The following ARNT variants were observed in gnomAD, a reference collection of about 807,000 sequenced individuals.
ARNT encodes the protein aryl hydrocarbon receptor nuclear translocator.
In ARNT, 30 loss-of-function variants were observed where a neutral mutation model predicts 105.0. The observed-to-expected ratio is 0.29, with a 90% CI of 0.21 to 0.39. The LOEUF (loss-of-function observed/expected upper bound fraction) is 0.39. Among genes scored for constraint, ARNT ranks in the 10% least tolerant of loss-of-function variants. The pLI is 1.00. For missense variants in ARNT, 748 were observed against 978.7 expected (o/e 0.76, Z 3.15); for synonymous variants, 304 against 344.0 (o/e 0.88, Z 1.29).
rs1244803896 is a variant in ARNT at position 150,809,888 on chromosome 1, GTCAGGA to G, written c.*2127_*2132del. On this transcript the variant is annotated 3_prime_UTR_variant, in exon 22 of 22. Transcript: ENST00000358595. ...TTCCTGCTGATGTTACTCAGAATGT[GTCAGGA>G]TCAGGAGGACAAGTGAGGGGGGAGG... 8.9e-6 allele frequency: 2 copies of G among 223,938 alleles called. No individual in the cohort carries two copies. Among genetic ancestry groups the G allele is most frequent in the African/African-American group, 2.2e-5 (1 of 44,758 alleles). 13.9% of individuals were successfully genotyped at this position (223,938 alleles called of 1,614,324 possible). A position where few individuals can be genotyped will look rare whatever the true frequency, so the allele number is the denominator to read the frequency against.
At position 150,852,949 on chromosome 1, in the gene ARNT, C is replaced by T. The variant is rs914918544; in HGVS notation, c.138-143G>A. On this transcript the variant is annotated intron_variant, in intron 2 of 21. Coordinates refer to ENST00000358595, the MANE Select transcript of ARNT (RefSeq NM_001668.4). ...AAGTGGCAGAAGTCAAACAAAGCTA[C>T]ATTTCCTCTTGTTCATAGTCCCAAA... 9 of 1,043,556 alleles carry T rather than the reference C, an allele frequency of 8.6e-6. No homozygotes were observed. The Admixed American group carries it at 1.4e-4, about 16-fold the overall frequency. 64.6% of individuals were successfully genotyped at this position (1,043,556 alleles called of 1,614,324 possible). A position where few individuals can be genotyped will look rare whatever the true frequency, so the allele number is the denominator to read the frequency against.
intron 1 of ARNT, among the ~76,000 whole-genome samples, chr1:150,873,850 T>A (rs1667840608): frequency 1.3e-5 from 2 of 151,298 alleles, no homozygotes; most frequent in African/African-American, 4.9e-5. Flanking sequence ...AGCTCAGGAG[T>A]TCAAGGCTAC....
At chr1:150,851,099 G>A (rs587628638) in intron 3 of ARNT, among the ~76,000 whole-genome samples, 7 of 149,696 alleles carry the variant, frequency 4.7e-5, no homozygotes, top group African/African-American at 9.9e-5. Context: ...CAGCCGCCCC[G>A]TCCGGGAAGT....
Position 150,858,399 on chromosome 1 carries a change from T to C in ARNT, c.87A>G (p.Gly29=), listed in dbSNP as rs587753990. 210 of 1,610,228 alleles carry C rather than the reference T, an allele frequency of 1.3e-4. 3 individuals carry two copies. In the South Asian group the frequency reaches 2.0e-3, roughly 16 times the overall value. ...PAIASGNSGP[G]IQGGGAIVQR... ...GGACAATGGCTCCTCCACCTTGAAT[T>C]CCAGGTCCAGAGTTTCCAGAGGCAA... is the stretch of plus-strand genomic sequence containing the variant. The change falls in exon 2 of 22, where the codon GGA becomes GGG. Residue 29 remains glycine, a synonymous_variant. Transcript: ENST00000358595.
intron 3 of ARNT, among the ~76,000 whole-genome samples, chr1:150,852,120 G>A (rs886688894): frequency 2.6e-5 from 4 of 151,982 alleles, no homozygotes; most frequent in Non-Finnish European, 4.4e-5. Context: ...GGTGTCAGAG[G>A]GTATGACAGA....
intron 10 of ARNT, 146 bp downstream of exon 10, chr1:150,831,672 G>A: frequency 3.4e-6 from 2 of 593,852 alleles, no homozygotes; most frequent in Non-Finnish European, 5.9e-6. Flanking sequence ...TGGAAGGGAA[G>A]GATTGTACAT....
intron 4 of ARNT, 88 bp downstream of exon 4, chr1:150,846,174 GA>G: frequency 1.8e-6 from 2 of 1,141,880 alleles, no homozygotes; most frequent in Admixed American, 4.4e-5. Context: ...GTCTCATCCA[GA>G]AAAAATTAAG....
chr1:150,869,206 G>A (rs1053223578), intron 1 of ARNT, among the ~76,000 whole-genome samples: 3 of 152,044 alleles, frequency 2.0e-5, no homozygotes, highest in East Asian at 1.9e-4. Flanking sequence ...GGCTGGGCGC[G>A]CTAGCTCAAG....
intron 12 of ARNT, among the ~76,000 whole-genome samples, chr1:150,828,483 A>G (rs1237330934): frequency 1.3e-5 from 2 of 151,990 alleles, no homozygotes; most frequent in East Asian, 3.9e-4. Flanking sequence ...ATTCTGGTCT[A>G]TTGATCTATA....
intron 4 of ARNT, among the ~76,000 whole-genome samples, chr1:150,844,261 C>T (rs183386125): frequency 6.6e-6 from 1 of 152,272 alleles, no homozygotes; most frequent in Admixed American, 6.5e-5. Context: ...TTTCCTGTTA[C>T]CACTGCCACT....
intron 1 of ARNT, among the ~76,000 whole-genome samples, chr1:150,861,749 G>A (rs1037515794): frequency 6.6e-6 from 1 of 152,170 alleles, no homozygotes; most frequent in Non-Finnish European, 1.5e-5. Context: ...AAAAAAAAGG[G>A]TCATACTATA....
At chr1:150,836,617 C>G in intron 6 of ARNT, 124 bp from the exon 7 acceptor site, 1 of 952,850 alleles carries the variant, frequency 1.0e-6, no homozygotes, top group East Asian at 2.6e-5. Context: ...CTGGTTCACA[C>G]CTGATCCACA....
chr1:150,839,152 T>C (rs1239011788), intron 6 of ARNT, among the ~76,000 whole-genome samples: 2 of 152,208 alleles, frequency 1.3e-5, no homozygotes, highest in Non-Finnish European at 2.9e-5. Context: ...ATTGGTTCCA[T>C]GGACATAGTC....
intron 1 of ARNT, among the ~76,000 whole-genome samples, chr1:150,865,859 T>A (rs1666484684): frequency 6.6e-6 from 1 of 152,194 alleles, no homozygotes; most frequent in Admixed American, 6.5e-5. Context: ...CCTGAAAGGG[T>A]GTAAGAAATG....
intron 4 of ARNT, among the ~76,000 whole-genome samples, chr1:150,844,526 G>A (rs996409900): frequency 6.6e-6 from 1 of 152,018 alleles, no homozygotes; most frequent in African/African-American, 2.4e-5. Context: ...GTATGTTCCC[G>A]AGACCAGGAG....
intron 1 of ARNT, among the ~76,000 whole-genome samples, chr1:150,871,722 C>T (rs587653280): frequency 4.0e-5 from 6 of 148,416 alleles, no homozygotes; most frequent in African/African-American, 1.5e-4. Context: ...CCAGCCTGGC[C>T]AACATGGAGA....
At chr1:150,814,767 C>T (rs1003751545) in intron 19 of ARNT, among the ~76,000 whole-genome samples, 1 of 152,038 alleles carries the variant, frequency 6.6e-6, no homozygotes, top group Non-Finnish European at 1.5e-5. Flanking sequence ...CACTTGAACC[C>T]GGGAGACAGA....
intron 9 of ARNT, among the ~76,000 whole-genome samples, 189 bp from the exon 10 acceptor site, chr1:150,832,092 G>C (rs933866982): frequency 6.6e-6 from 1 of 152,182 alleles, no homozygotes; most frequent in Non-Finnish European, 1.5e-5. Flanking sequence ...AAGGTATGCA[G>C]TAGGAGGAAA....
chr1:150,814,985 G>C (rs2101570218), intron 19 of ARNT, among the ~76,000 whole-genome samples: 1 of 152,058 alleles, frequency 6.6e-6, no homozygotes, highest in East Asian at 1.9e-4. Context: ...ATGCATTATA[G>C]AATATTCAGA....
Sources: allele counts gnomAD v4.1 joint callset (sites outside exome capture counted in the v4.1 genomes callset), GRCh38; gene constraint gnomAD v4.1.1; transcripts MANE v1.5; gene names NCBI Gene and HGNC (gene_info 2026-07-23, HGNC 2026-07-21).